Variants in TMEM272 observed in about 807,000 individuals in gnomAD.
TMEM272 encodes long intergenic non-protein coding RNA 282.
A neutral mutation model predicts 3.7 loss-of-function variants in TMEM272; 8 were observed. The observed-to-expected ratio is 2.17, with a 90% confidence interval of 1.27 to 3.91. The LOEUF is 3.91. Ranked by LOEUF, TMEM272 falls within the 30% of genes most tolerant of loss-of-function variation. TMEM272 has a pLI of 0.00. For synonymous variants in TMEM272, 63 were observed against 39.8 expected (o/e 1.58, Z -2.20); for missense variants, 166 against 91.5 (o/e 1.81, Z -3.32).
the TMEM272 span, among the ~76,000 whole-genome samples, chr13:51,861,812 T>C: frequency 1.3e-5 from 2 of 152,126 alleles, no homozygotes; most frequent in Non-Finnish European, 2.9e-5. Context: ...ATAGTCAAAC[T>C]ATCAAAAGCC....
chr13:51,839,665 G>T, intron 1 of TMEM272, among the ~76,000 whole-genome samples: 1 of 152,346 alleles, frequency 6.6e-6, no homozygotes, highest in East Asian at 1.9e-4. Flanking sequence ...GGAACAGGCC[G>T]TGATGGGGAA....
intron 3 of TMEM272, among the ~76,000 whole-genome samples, chr13:51,822,665 CAG>C (rs1956090132): frequency 6.6e-6 from 1 of 152,204 alleles, no homozygotes; most frequent in Non-Finnish European, 1.5e-5. Context: ...GTGTTAGTCA[CAG>C]TCACCATATG....
At chr13:51,884,625 C>T in the TMEM272 span, among the ~76,000 whole-genome samples, 1 of 152,162 alleles carries the variant, frequency 6.6e-6, no homozygotes, top group African/African-American at 2.4e-5. Context: ...TACATGACCT[C>T]AGTAGTGTAT....
chr13:51,833,867 C>T (rs1484193503), intron 2 of TMEM272, among the ~76,000 whole-genome samples: 4 of 152,114 alleles, frequency 2.6e-5, no homozygotes, highest in Non-Finnish European at 4.4e-5. Flanking sequence ...TCTTGAAGCC[C>T]ACCAAGAGCA....
chr13:51,868,375 C>T, the TMEM272 span, among the ~76,000 whole-genome samples: 2 of 152,174 alleles, frequency 1.3e-5, no homozygotes, highest in Non-Finnish European at 2.9e-5. Flanking sequence ...GTGCTTTAAA[C>T]GCTATGCAAA....
chr13:51,893,552 A>C, the TMEM272 span, among the ~76,000 whole-genome samples: 1 of 152,006 alleles, frequency 6.6e-6, no homozygotes, highest in Non-Finnish European at 1.5e-5. Context: ...ATTCTCCCCA[A>C]AACAATGTTT....
chr13:51,883,998 G>A, the TMEM272 span, among the ~76,000 whole-genome samples: 1 of 152,208 alleles, frequency 6.6e-6, no homozygotes, highest in Non-Finnish European at 1.5e-5. Context: ...TGCCCTTTTA[G>A]GTTGGAAGAG....
chr13:51,844,839 A>G (rs1297729508), intron 1 of TMEM272, among the ~76,000 whole-genome samples, 177 bp downstream of exon 1: 4 of 152,220 alleles, frequency 2.6e-5, no homozygotes, highest in Non-Finnish European at 4.4e-5. Flanking sequence ...CCTTAGACTC[A>G]GTGAAGATTG....
At chr13:51,829,402 G>A (rs572331615) in intron 2 of TMEM272, among the ~76,000 whole-genome samples, 1 of 152,290 alleles carries the variant, frequency 6.6e-6, no homozygotes, top group African/African-American at 2.4e-5. Flanking sequence ...TGAACAAGGT[G>A]CTTTGCATTT....
At chr13:51,841,398 CG>C in intron 1 of TMEM272, among the ~76,000 whole-genome samples, 1 of 152,336 alleles carries the variant, frequency 6.6e-6, no homozygotes, top group East Asian at 1.9e-4. Flanking sequence ...ATGTGTTGAA[CG>C]GTTTCTATCA....
chr13:51,865,513 G>A, the TMEM272 span: 2 of 1,614,212 alleles, frequency 1.2e-6, no homozygotes, highest in Non-Finnish European at 1.7e-6. Flanking sequence ...TGCACAAGCT[G>A]CAGGAGGAAA....
At chr13:51,887,590 C>T in the TMEM272 span, among the ~76,000 whole-genome samples, 30 of 152,202 alleles carry the variant, frequency 2.0e-4, no homozygotes, top group African/African-American at 7.0e-4. Flanking sequence ...TGTGAAAGTC[C>T]TTGGCTTTGA....
the TMEM272 span, chr13:51,908,789 A>G: frequency 2.1e-6 from 3 of 1,441,434 alleles, no homozygotes; most frequent in African/African-American, 1.4e-5. Context: ...CTGAATCAGG[A>G]TATGATTGTC....
chr13:51,863,708 C>CA, the TMEM272 span, among the ~76,000 whole-genome samples: 8,096 of 141,098 alleles, frequency 0.057, 261 homozygotes, highest in Admixed American at 0.078. Context: ...CACACACACA[C>CA]ACCAGCTATG....
At chr13:51,835,532 T>C (rs1956209760) in intron 2 of TMEM272, among the ~76,000 whole-genome samples, 3 of 152,226 alleles carry the variant, frequency 2.0e-5, no homozygotes, top group Admixed American at 6.5e-5. Context: ...CCAAAACTTT[T>C]ATTTTCTAAT....
chr13:51,818,345 G>A (rs1352975869), intron 4 of TMEM272, among the ~76,000 whole-genome samples: 1 of 152,196 alleles, frequency 6.6e-6, no homozygotes, highest in Non-Finnish European at 1.5e-5. Flanking sequence ...CTGTGCCTTG[G>A]GTAGGTGATA....
At chr13:51,924,099 A>G in the TMEM272 span, among the ~76,000 whole-genome samples, 4 of 152,206 alleles carry the variant, frequency 2.6e-5, no homozygotes, top group African/African-American at 7.2e-5. Context: ...TCAACCTTTC[A>G]GCTACCCTCC....
intron 4 of TMEM272, among the ~76,000 whole-genome samples, chr13:51,818,336 T>G (rs956208770): frequency 1.3e-5 from 2 of 152,204 alleles, no homozygotes; most frequent in Non-Finnish European, 2.9e-5. Flanking sequence ...AACCCCAAGC[T>G]GTGCCTTGGG....
chr13:51,877,863 T>C, the TMEM272 span, among the ~76,000 whole-genome samples: 8 of 152,252 alleles, frequency 5.3e-5, no homozygotes, highest in Non-Finnish European at 1.2e-4. Flanking sequence ...GGAAAATTTA[T>C]ACTTAGGCCT....
Sources: allele counts gnomAD v4.1 joint callset (sites outside exome capture counted in the v4.1 genomes callset), GRCh38; gene constraint gnomAD v4.1.1; transcripts MANE v1.5; gene names NCBI Gene and HGNC (gene_info 2026-07-23, HGNC 2026-07-21).